Variants in TUBGCP3 observed in about 807,000 individuals in gnomAD.
TUBGCP3 encodes the protein gamma-tubulin complex component 3.
A neutral mutation model predicts 123.1 loss-of-function variants in TUBGCP3; 50 were observed. The ratio of observed to expected loss-of-function variants is 0.41; its 90% CI spans 0.32 to 0.51. TUBGCP3 has a LOEUF of 0.51. TUBGCP3 is among the 20% of genes least tolerant of loss of function. The pLI is 0.36. For missense variants in TUBGCP3, 882 were observed against 1,127.0 expected, an observed-to-expected ratio of 0.78 and a Z score of 3.11; for synonymous variants, 405 against 413.9, an observed-to-expected ratio of 0.98 and a Z score of 0.26.
At chr13:112,490,928 G>A (rs1880045178) in intron 20 of TUBGCP3, among the ~76,000 whole-genome samples, 2 of 152,102 alleles carry the variant, frequency 1.3e-5, no homozygotes, top group Admixed American at 6.6e-5. Context: ...CTCTCATGGG[G>A]CCAATTTCGG....
intron 3 of TUBGCP3, among the ~76,000 whole-genome samples, chr13:112,559,798 A>C (rs897750832): frequency 1.3e-5 from 2 of 152,216 alleles, no homozygotes; most frequent in African/African-American, 4.8e-5. Context: ...CATTTAAGCC[A>C]CAAGCACAAG....
At chr13:112,590,563 TG>T (rs1882866409), upstream of TUBGCP3, among the ~76,000 whole-genome samples, 1 of 152,016 alleles carries the variant, frequency 6.6e-6, no homozygotes, top group Non-Finnish European at 1.5e-5. Context: ...TATTTTCTCA[TG>T]GGTAGAAGCA....
At chr13:112,599,219 G>A in the TUBGCP3 span, among the ~76,000 whole-genome samples, 100 of 152,268 alleles carry the variant, frequency 6.6e-4, 2 homozygotes, top group South Asian at 0.019. Flanking sequence ...TTGGGGTGCT[G>A]TTTGTCAGGT....
intron 21 of TUBGCP3, among the ~76,000 whole-genome samples, chr13:112,487,081 GTC>G (rs1555335837): frequency 5.3e-4 from 57 of 107,312 alleles, no homozygotes; most frequent in South Asian, 1.2e-3. Context: ...GTGTGTGTGT[GTC>G]TGTGTGTGTG....
rs750350067 is a variant in TUBGCP3, at chr13:112,548,160, A to G, written c.983T>C (p.Leu328Ser). Residue 328 changes from leucine (L) to serine (S), a missense_variant, in exon 9 of 22, where the codon TTG becomes TCG. Leu to Ser is a moderately radical substitution (Grantham distance 145, BLOSUM62 -2). Coordinates refer to ENST00000261965, the MANE Select transcript of TUBGCP3 (RefSeq NM_006322.6). ...GLVGQSFCAA[L>S]HQELREYYRL... ...ATAGTATTCTCTGAGTTCCTGGTGC[A>G]AGGCAGCACAAAAGCTCTGTTTGGA... 1 of 1,603,404 alleles carries G rather than the reference A, an allele frequency of 6.2e-7. No homozygotes were observed. The highest frequency in any genetic ancestry group is 8.5e-7 in the Non-Finnish European group (1 of 1,173,816).
chr13:112,512,951 T>C (rs997150427), intron 17 of TUBGCP3, among the ~76,000 whole-genome samples: 5 of 152,234 alleles, frequency 3.3e-5, no homozygotes, highest in African/African-American at 1.2e-4. Context: ...CCTGACTACG[T>C]AAATTTCATC....
chr13:112,526,077 CATCAT>C (rs1184475993), intron 13 of TUBGCP3, among the ~76,000 whole-genome samples: 4 of 151,838 alleles, frequency 2.6e-5, no homozygotes, highest in East Asian at 3.9e-4. Flanking sequence ...CTATCACCAT[CATCAT>C]ATCATTACTA....
intron 13 of TUBGCP3, among the ~76,000 whole-genome samples, chr13:112,526,702 C>G (rs1877147981): frequency 6.8e-6 from 1 of 146,242 alleles, no homozygotes; most frequent in South Asian, 2.3e-4. Context: ...ACCATCATTA[C>G]CCCCATCATC....
intron 3 of TUBGCP3, among the ~76,000 whole-genome samples, chr13:112,562,334 A>ACCAG (rs1880584418): frequency 6.6e-6 from 1 of 152,196 alleles, no homozygotes; most frequent in African/African-American, 2.4e-5. Context: ...GGGGAACACC[A>ACCAG]CCAGCCAGAA....
At chr13:112,526,153 CCAT>C (rs1161711132) in intron 13 of TUBGCP3, among the ~76,000 whole-genome samples, 2 of 151,900 alleles carry the variant, frequency 1.3e-5, no homozygotes, top group African/African-American at 4.8e-5. Context: ...ATCATTACCA[CCAT>C]CATCACCATC....
chr13:112,564,822 T>C (rs1156393331), intron 3 of TUBGCP3, among the ~76,000 whole-genome samples: 3 of 152,242 alleles, frequency 2.0e-5, no homozygotes, highest in African/African-American at 7.2e-5. Context: ...CTTCTACCAA[T>C]GTGCTTCCTC....
intron 8 of TUBGCP3, among the ~76,000 whole-genome samples, chr13:112,549,968 C>T (rs562375894): frequency 1.7e-4 from 21 of 123,038 alleles, no homozygotes; most frequent in African/African-American, 5.1e-4. Context: ...TCAGCCTGGG[C>T]GACAGGGTGA....
intron 3 of TUBGCP3, among the ~76,000 whole-genome samples, chr13:112,564,374 G>A (rs9549543): frequency 0.16 from 24,001 of 152,182 alleles, 2,153 homozygotes; most frequent in East Asian, 0.21. Context: ...TATTTGTTGC[G>A]CAAAGCACTA....
intron 17 of TUBGCP3, among the ~76,000 whole-genome samples, chr13:112,505,064 GT>G (rs1566537937): frequency 6.6e-6 from 1 of 152,186 alleles, no homozygotes; most frequent in Non-Finnish European, 1.5e-5. Context: ...TTTACAATTA[GT>G]TTGCCTGCTG....
chr13:112,559,235 T>C lies in TUBGCP3; in HGVS notation c.330+87A>G. 3 of 1,081,574 alleles carry C rather than the reference T, an allele frequency of 2.8e-6. No homozygotes were observed. In the Admixed American group the frequency reaches 7.2e-5, roughly 26 times the overall value. The allele number at this position is 1,081,574 out of a possible 1,614,324, so 67.0% of individuals were successfully genotyped here. Reference sequence around the variant, plus strand: ...GACAAGCTTGTTGCTTTCCTAGCATTATTTTCTTAGCTGCAGAAGCCGTTT... The same window carrying C: ...GACAAGCTTGTTGCTTTCCTAGCATCATTTTCTTAGCTGCAGAAGCCGTTT... On this transcript the variant is annotated intron_variant, in intron 4 of 21. Transcript: ENST00000261965.
At chr13:112,557,980 T>C (rs1880181888) in intron 5 of TUBGCP3, among the ~76,000 whole-genome samples, 1 of 152,190 alleles carries the variant, frequency 6.6e-6, no homozygotes, top group South Asian at 2.1e-4. Flanking sequence ...GGCCAGAGCT[T>C]GTGGATTACA....
chr13:112,489,515 A>T, intron 21 of TUBGCP3, 66 bp downstream of exon 21: 1 of 1,151,784 alleles, frequency 8.7e-7, no homozygotes, highest in Non-Finnish European at 1.3e-6. Flanking sequence ...TCACTGTGAA[A>T]GCAACTGTCA....
rs1421666185 is a variant in TUBGCP3 at position 112,588,014 on chromosome 13, G to C, written c.-34C>G. The C allele has an allele frequency of 2.8e-6, 4 of 1,409,736 alleles. No homozygotes were observed. The highest frequency in any genetic ancestry group is 1.5e-5 in the African/African-American group (1 of 66,856). The allele number at this position is 1,409,736 out of a possible 1,614,324, so 87.3% of individuals were successfully genotyped here. On this transcript the variant is annotated 5_prime_UTR_variant, in exon 1 of 22. Coordinates refer to ENST00000261965, the MANE Select transcript of TUBGCP3 (RefSeq NM_006322.6). Reference sequence around the variant, plus strand: ...GGAGCCGTGCACGGTGGTCCGGGCAGAGCCGCCACTGCCGCCGCACGCGCA... The same window carrying C: ...GGAGCCGTGCACGGTGGTCCGGGCACAGCCGCCACTGCCGCCGCACGCGCA...
Position 112,489,615 on chromosome 13 carries a change from C to A in TUBGCP3, c.2531G>T (p.Cys844Phe). 6.2e-7 allele frequency: 1 copy of A among 1,614,216 alleles called. No homozygotes were observed. Reference sequence around the variant, plus strand: ...ATGGGTCAATATTCGCAACTGTGAGCACATTTTTGGTATAGATTCTTTAAA... The same window carrying A: ...ATGGGTCAATATTCGCAACTGTGAGAACATTTTTGGTATAGATTCTTTAAA... ...GEFKESIPKM[C>F]SQLRILTHFY... Residue 844 changes from cysteine to phenylalanine, a missense_variant, in exon 21 of 22, where the codon TGC (cysteine) becomes TTC (phenylalanine). By Grantham distance (205) the Cys-to-Phe change is radical. Coordinates refer to ENST00000261965, the MANE Select transcript of TUBGCP3 (RefSeq NM_006322.6).
Sources: allele counts gnomAD v4.1 joint callset (sites outside exome capture counted in the v4.1 genomes callset), GRCh38; gene constraint gnomAD v4.1.1; transcripts MANE v1.5; gene names NCBI Gene and HGNC (gene_info 2026-07-23, HGNC 2026-07-21).